HTRA1: variants seen among roughly 807,000 people sequenced by gnomAD.
The protein encoded by HTRA1 is serine protease HTRA1.
Under a neutral mutation model 49.7 loss-of-function variants are expected in HTRA1, and 26 were observed. The ratio of observed to expected loss-of-function variants is 0.52; its 90% CI spans 0.38 to 0.73. The LOEUF (loss-of-function observed/expected upper bound fraction) is 0.73. Among genes scored for constraint, HTRA1 ranks in the 30% least tolerant of loss-of-function variants. The pLI, the probability that HTRA1 is intolerant of heterozygous loss-of-function variation, is 0.00. For synonymous variants in HTRA1, 291 were observed against 286.9 expected, an observed-to-expected ratio of 1.01 and a Z score of -0.14; for missense variants, 561 against 667.2, an observed-to-expected ratio of 0.84 and a Z score of 1.75.
chr10:122,509,331 G>A (rs548887301), intron 6 of HTRA1, among the ~76,000 whole-genome samples: 2 of 152,220 alleles, frequency 1.3e-5, no homozygotes, highest in South Asian at 2.1e-4. Flanking sequence ...CAGGGTGGCC[G>A]TCAAGGGAGC....
chr10:122,482,618 T>A (rs1399488950), intron 1 of HTRA1, among the ~76,000 whole-genome samples: 2 of 152,108 alleles, frequency 1.3e-5, no homozygotes, highest in Non-Finnish European at 2.9e-5. Context: ...TACATTTTGA[T>A]GTATTTAAAG....
At chr10:122,468,507 G>A (rs758146946) in intron 1 of HTRA1, among the ~76,000 whole-genome samples, 12 of 151,852 alleles carry the variant, frequency 7.9e-5, no homozygotes, top group Non-Finnish European at 1.6e-4. Context: ...TGTCTCCCTG[G>A]GGATGAGGTG....
At position 122,494,812 on chromosome 10, in the gene HTRA1, C is replaced by T. The variant is rs1440195705; in HGVS notation, c.777+5186C>T. 1.3e-5 allele frequency among the ~76,000 whole-genome samples: 2 copies of T among 152,302 alleles called. No homozygotes were observed. The highest frequency in any genetic ancestry group is 6.5e-5 in the Admixed American group (1 of 15,300). On this transcript the variant is annotated intron_variant, in intron 3 of 8. Coordinates refer to ENST00000368984, the MANE Select transcript of HTRA1 (RefSeq NM_002775.5). This position sits in a 1 kb window ranked among gnomAD's most constrained non-coding sequence, Gnocchi z 4.0. ...AGAAGGAAGGCCGACACCCCTGATC[C>T]TCATCAAGTTCAGACGGGGGTCACT...
At chr10:122,504,597 G>T (rs2097502298) in intron 3 of HTRA1, among the ~76,000 whole-genome samples, 1 of 152,184 alleles carries the variant, frequency 6.6e-6, no homozygotes, top group Non-Finnish European at 1.5e-5. Context: ...CAGCCCTGAA[G>T]GCCTCAAAGG....
intron 1 of HTRA1, among the ~76,000 whole-genome samples, chr10:122,472,322 G>T (rs2097486471): frequency 6.6e-6 from 1 of 150,630 alleles, no homozygotes; most frequent in Non-Finnish European, 1.5e-5. Context: ...AAGAAAAGAA[G>T]ATTCATATTT....
At chr10:122,470,121 A>G (rs773407910) in intron 1 of HTRA1, among the ~76,000 whole-genome samples, 2 of 152,172 alleles carry the variant, frequency 1.3e-5, no homozygotes, top group Non-Finnish European at 2.9e-5. Context: ...GGTCAACTGT[A>G]TCCTTCCTGA....
At chr10:122,475,562 A>C (rs2133913175) in intron 1 of HTRA1, among the ~76,000 whole-genome samples, 1 of 152,386 alleles carries the variant, frequency 6.6e-6, no homozygotes, top group East Asian at 1.9e-4. Context: ...GTATTTTAAC[A>C]AGAGTAGGTC....
chr10:122,497,553 C>T (rs1285161103), intron 3 of HTRA1, among the ~76,000 whole-genome samples: 2 of 152,194 alleles, frequency 1.3e-5, no homozygotes, highest in South Asian at 2.1e-4. Flanking sequence ...TAGGACTGAG[C>T]CCCTGTCCAC....
At position 122,490,892 on chromosome 10, in the gene HTRA1, TA is replaced by T; in HGVS notation, c.777+1268del. Among the ~76,000 whole-genome samples, 1 of 152,292 alleles carries T rather than the reference TA, an allele frequency of 6.6e-6. No homozygotes were observed. Among genetic ancestry groups the T allele is most frequent in the East Asian group, 1.9e-4 (1 of 5,168 alleles). ...GGCCAGTCTTCAGAAAACCACCAGC[TA>T]ACACATTTACTACCCTCCTTCCCCG... On this transcript the variant is annotated intron_variant, in intron 3 of 8. Transcript: ENST00000368984. The surrounding 1 kb of genome is among the most constrained non-coding windows in gnomAD (Gnocchi z 4.2).
intron 1 of HTRA1, among the ~76,000 whole-genome samples, chr10:122,479,382 T>C (rs1697502048): frequency 6.6e-6 from 1 of 152,180 alleles, no homozygotes; most frequent in South Asian, 2.1e-4. Context: ...TAGGGCAACA[T>C]GATTTAATTC....
chr10:122,496,224 G>GTTTTTTTTT lies in HTRA1; in HGVS notation c.777+6598_777+6599insTTTTTTTTT, dbSNP rs1565427091. Among the ~76,000 whole-genome samples, 93 of 32,092 alleles carry GTTTTTTTTT rather than the reference G, an allele frequency of 2.9e-3. 5 individuals carry two copies. Among genetic ancestry groups the GTTTTTTTTT allele is most frequent in the East Asian group, 0.013 (22 of 1,648 alleles). The allele number at this position is 32,092 out of a possible 152,430, so 21.1% of individuals were successfully genotyped here. On this transcript the variant is annotated intron_variant, in intron 3 of 8. Coordinates refer to ENST00000368984, the MANE Select transcript of HTRA1 (RefSeq NM_002775.5). The stretch of plus-strand genomic sequence containing the variant: ...GCCCTTTCGTTTGCCAGAGATTGTG[G>GTTTTTTTTT]GTTCTTTTTTTTTTTTTTTTTTTTT...
intron 1 of HTRA1, among the ~76,000 whole-genome samples, chr10:122,471,620 T>C (rs1443769580): frequency 6.6e-6 from 1 of 152,184 alleles, no homozygotes; most frequent in Non-Finnish European, 1.5e-5. Context: ...TGAAGGGTCC[T>C]GGCAGGTCCT....
chr10:122,463,500 C>G lies in HTRA1; in HGVS notation c.472+1376C>G, dbSNP rs550292561. Reference sequence around the variant, plus strand: ...CAAACGAGGAGGCAGTTGCTCCTCTCTCTCTCTTTTTTTTTCTTAAGAGAC... The same window carrying G: ...CAAACGAGGAGGCAGTTGCTCCTCTGTCTCTCTTTTTTTTTCTTAAGAGAC... On this transcript the variant is annotated intron_variant, in intron 1 of 8. Transcript: ENST00000368984. Among the ~76,000 whole-genome samples the G allele has an allele frequency of 8.5e-5, 13 of 152,276 alleles. No homozygotes were observed. The East Asian group carries it at 2.5e-3, about 29-fold the overall frequency.
In HTRA1 at chr10:122,514,727, G is replaced by C. The variant is rs375108956; in HGVS notation, c.*368G>C. 1.1e-4 allele frequency: 34 copies of C among 321,120 alleles called. No individual in the cohort carries two copies. The East Asian group carries it at 2.1e-3, about 19-fold the overall frequency. The allele number at this position is 321,120 out of a possible 1,614,324, so 19.9% of individuals were successfully genotyped here. ...ATAGAAGAAGCCCCACGGGAGCCAG[G>C]ATGGGACTGGTCGTGTTTGTGCTTT... On this transcript the variant is annotated 3_prime_UTR_variant, in exon 9 of 9. Transcript: ENST00000368984.
At chr10:122,488,686 G>T (rs1367811620) in intron 1 of HTRA1, among the ~76,000 whole-genome samples, 1 of 152,202 alleles carries the variant, frequency 6.6e-6, no homozygotes, top group Non-Finnish European at 1.5e-5. Context: ...GAGCAAAGAG[G>T]TTATCATTAG....
rs2097481705 is a variant in HTRA1 at position 122,462,112 on chromosome 10, G to A, written c.460G>A (p.Ala154Thr). 1 of 1,533,446 alleles carries A rather than the reference G, an allele frequency of 6.5e-7. No homozygotes were observed. Among genetic ancestry groups the A allele is most frequent in the South Asian group, 1.2e-5 (1 of 83,916 alleles). 95.0% of individuals were successfully genotyped at this position (1,533,446 alleles called of 1,614,324 possible). A position where few individuals can be genotyped will look rare whatever the true frequency, so the allele number is the denominator to read the frequency against. Residue 154 changes from alanine (A) to threonine (T), a missense_variant, in exon 1 of 9, where the codon GCC (alanine) becomes ACC (threonine). Ala to Thr is a moderately conservative substitution (Grantham distance 58, BLOSUM62 0). Coordinates refer to ENST00000368984, the MANE Select transcript of HTRA1 (RefSeq NM_002775.5). Reference sequence around the variant, plus strand: ...GCCGGTCATCGTCCTGCAGCGCGGAGCCTGCGGCCAAGGTACTCCGCCGCG... The same window carrying A: ...GCCGGTCATCGTCCTGCAGCGCGGAACCTGCGGCCAAGGTACTCCGCCGCG... Reference protein sequence around the residue: ...RPPVIVLQRGACGQGQEDPNS... With the variant: ...RPPVIVLQRGTCGQGQEDPNS...
chr10:122,462,086 C>A lies in HTRA1; in HGVS notation c.434C>A (p.Pro145Gln), dbSNP rs952385517. 6 of 1,534,280 alleles carry A rather than the reference C, an allele frequency of 3.9e-6. No individual in the cohort carries two copies. Among genetic ancestry groups the A allele is most frequent in the South Asian group, 2.4e-5 (2 of 83,948 alleles). Residue 145 changes from proline to glutamine, a missense_variant, in exon 1 of 9, where the codon CCG (proline) becomes CAG (glutamine). Pro to Gln is a moderately conservative substitution (Grantham distance 76). Around this residue, in one of 3 missense-constraint regions of HTRA1, gnomAD observed 271 missense variants for 410.0 expected, o/e 0.66. Transcript: ENST00000368984. ...ASRRSERLHR[P>Q]PVIVLQRGAC... ...CGCCGCTCCGAGAGGCTGCACCGGC[C>A]GCCGGTCATCGTCCTGCAGCGCGGA...
rs542143732 is a variant in HTRA1, at chr10:122,464,200, C to T, written c.472+2076C>T. 1.2e-4 allele frequency among the ~76,000 whole-genome samples: 19 copies of T among 152,258 alleles called. No homozygotes were observed. The South Asian group carries it at 3.1e-3, about 25-fold the overall frequency. Reference sequence around the variant, plus strand: ...TCTCGCTGTTTGTGGTCTCATCGCACGGGGTCCTGAGTTGCTGGCACCATG... The same window carrying T: ...TCTCGCTGTTTGTGGTCTCATCGCATGGGGTCCTGAGTTGCTGGCACCATG... On this transcript the variant is annotated intron_variant, in intron 1 of 8. Coordinates refer to ENST00000368984, the MANE Select transcript of HTRA1 (RefSeq NM_002775.5). This position sits in a 1 kb window ranked among gnomAD's most constrained non-coding sequence, Gnocchi z 4.8.
rs758342671 is a variant in HTRA1 at position 122,506,853 on chromosome 10, A to G, written c.940A>G (p.Met314Val). The G allele has an allele frequency of 1.8e-5, 29 of 1,613,694 alleles. No homozygotes were observed. The highest frequency in any genetic ancestry group is 2.2e-5 in the Non-Finnish European group (26 of 1,180,022). The change falls in exon 4 of 9, where the codon ATG becomes GTG. Residue 314 changes from methionine (M) to valine (V), a missense_variant. Met to Val is a conservative substitution (Grantham distance 21). Coordinates refer to ENST00000368984, the MANE Select transcript of HTRA1 (RefSeq NM_002775.5). This position sits in a 1 kb window ranked among gnomAD's most constrained non-coding sequence, Gnocchi z 5.2. ...AGAGCTGGGGCTCCGCAACTCAGACATGGACTACATCCAGACCGACGCCAT... is the reference window on the plus strand; with the variant it reads ...AGAGCTGGGGCTCCGCAACTCAGACGTGGACTACATCCAGACCGACGCCAT... ...GKELGLRNSD[M>V]DYIQTDAIIN...
Sources: allele counts gnomAD v4.1 joint callset (sites outside exome capture counted in the v4.1 genomes callset), GRCh38; gene constraint gnomAD v4.1.1; regional missense constraint gnomAD v4.1.1; non-coding constraint Gnocchi (gnomAD v3.1); transcripts MANE v1.5; gene names NCBI Gene and HGNC (gene_info 2026-07-23, HGNC 2026-07-21).